The following FRK variants were observed in gnomAD, a reference collection of about 807,000 sequenced individuals.
FRK encodes the protein fyn related Src family tyrosine kinase, also known as tyrosine-protein kinase FRK.
Under a neutral mutation model 56.4 loss-of-function variants are expected in FRK, and 51 were observed. The ratio of observed to expected loss-of-function variants is 0.90; its 90% confidence interval spans 0.72 to 1.14. The LOEUF is 1.14. FRK is among the 50% of genes most tolerant of loss of function. The probability of loss-of-function intolerance (pLI) is 0.00; values close to 1 mark genes in which losing one functional copy is unlikely to be tolerated. For missense variants in FRK, 570 were observed against 601.4 expected (o/e 0.95, Z 0.55); for synonymous variants, 245 against 217.9 (o/e 1.12, Z -1.10).
the FRK span, among the ~76,000 whole-genome samples, chr6:116,092,330 C>T: frequency 6.6e-6 from 1 of 152,228 alleles, no homozygotes; most frequent in Admixed American, 6.5e-5. Context: ...AAAGGCGTCA[C>T]TCTTCCAACC....
chr6:115,942,947 G>A (rs774653455), intron 7 of FRK, 73 bp downstream of exon 7: 286 of 1,465,144 alleles, frequency 2.0e-4, no homozygotes, highest in Non-Finnish European at 2.4e-4. Flanking sequence ...TCTAAGTCTG[G>A]GCAAAGCAGT....
intron 1 of FRK, among the ~76,000 whole-genome samples, chr6:116,033,292 C>A (rs1258827977): frequency 6.6e-6 from 1 of 152,078 alleles, no homozygotes; most frequent in Non-Finnish European, 1.5e-5. Context: ...GCTATGTTTA[C>A]CAATATCCTC....
At chr6:116,029,814 G>A (rs1211715226) in intron 1 of FRK, among the ~76,000 whole-genome samples, 2 of 152,002 alleles carry the variant, frequency 1.3e-5, no homozygotes, top group Non-Finnish European at 2.9e-5. Flanking sequence ...TCCATCTGAA[G>A]GTCCTTTCAT....
chr6:115,950,337 A>C (rs1772681296), intron 5 of FRK, among the ~76,000 whole-genome samples: 1 of 152,176 alleles, frequency 6.6e-6, no homozygotes, highest in African/African-American at 2.4e-5. Flanking sequence ...AATTTACAAG[A>C]AATAAAAACC....
chr6:116,074,011 T>C, the FRK span, among the ~76,000 whole-genome samples: 9 of 152,266 alleles, frequency 5.9e-5, no homozygotes, highest in East Asian at 1.7e-3. Flanking sequence ...GCTTCTAAAT[T>C]ACCCCTGCAT....
In FRK at chr6:116,056,324, C is replaced by T. The variant is rs1777399293; in HGVS notation, c.344+3644G>A. Among the ~76,000 whole-genome samples, 4 of 151,414 alleles carry T rather than the reference C, an allele frequency of 2.6e-5. No homozygotes were observed. The South Asian group carries it at 8.4e-4, about 32-fold the overall frequency. ...CAACCTCCCAGGTTTAAGCAGTCTT[C>T]CTGCCCCAGCCTCACTCTCTCGAGT... On this transcript the variant is annotated intron_variant, in intron 1 of 7. Transcript: ENST00000606080.
intron 2 of FRK, among the ~76,000 whole-genome samples, chr6:116,001,992 A>T (rs567027565): frequency 1.3e-5 from 2 of 152,204 alleles, no homozygotes; most frequent in African/African-American, 4.8e-5. Context: ...GTATGTATGT[A>T]TATGTATATG....
At chr6:116,099,255 T>TTA in the FRK span, among the ~76,000 whole-genome samples, 1 of 152,202 alleles carries the variant, frequency 6.6e-6, no homozygotes, top group Non-Finnish European at 1.5e-5. Context: ...AACAATCCTT[T>TTA]TATACTCTTC....
intron 4 of FRK, among the ~76,000 whole-genome samples, chr6:115,958,060 G>A (rs2114563267): frequency 6.6e-6 from 1 of 152,274 alleles, no homozygotes; most frequent in East Asian, 1.9e-4. Flanking sequence ...AGGAGAAAAT[G>A]GCCGATTCTC....
At chr6:116,039,210 C>T (rs951746700) in intron 1 of FRK, 22 of 1,448,754 alleles carry the variant, frequency 1.5e-5, no homozygotes, top group Non-Finnish European at 1.9e-5. Context: ...TCGCAGATAA[C>T]GTGAAGGACT....
intron 1 of FRK, among the ~76,000 whole-genome samples, chr6:116,017,845 C>T (rs1222970697): frequency 1.3e-5 from 2 of 152,152 alleles, no homozygotes; most frequent in Non-Finnish European, 2.9e-5. Context: ...CATAGCCCAC[C>T]TTGCACCTTT....
chr6:115,980,209 G>A (rs1774143965), intron 2 of FRK, among the ~76,000 whole-genome samples: 1 of 152,068 alleles, frequency 6.6e-6, no homozygotes, highest in African/African-American at 2.4e-5. Flanking sequence ...CCACCCAGAA[G>A]AGGAAAAGCA....
In FRK at chr6:115,937,335, A is replaced by C. The variant is rs1772069366; in HGVS notation, c.*5079T>G. 1 of 152,218 alleles carries C rather than the reference A, an allele frequency of 6.6e-6. No individual in the cohort carries two copies. Among genetic ancestry groups the C allele is most frequent in the Non-Finnish European group, 1.5e-5 (1 of 68,026 alleles). 9.4% of individuals were successfully genotyped at this position (152,218 alleles called of 1,614,324 possible). ...AGAGCTCCTGAAGGAAGCACTAAAC[A>C]TAGAGAGGAACAATCAATACCAGCC... is the stretch of plus-strand genomic sequence containing the variant. On this transcript the variant is annotated 3_prime_UTR_variant, in exon 8 of 8. Transcript: ENST00000606080.
chr6:116,058,534 G>A (rs894595521), intron 1 of FRK, among the ~76,000 whole-genome samples: 3 of 152,038 alleles, frequency 2.0e-5, no homozygotes, highest in Non-Finnish European at 4.4e-5. Context: ...AGTAAGGGAC[G>A]CTCACATAAA....
At chr6:116,036,243 T>C (rs1488630178) in intron 1 of FRK, among the ~76,000 whole-genome samples, 3 of 152,144 alleles carry the variant, frequency 2.0e-5, no homozygotes, top group African/African-American at 4.8e-5. Flanking sequence ...CAGGGATAGT[T>C]CCCTCCACCT....
chr6:116,055,531 G>A (rs1777358121), intron 1 of FRK, among the ~76,000 whole-genome samples: 1 of 152,202 alleles, frequency 6.6e-6, no homozygotes, highest in Non-Finnish European at 1.5e-5. Context: ...ACCATCGTAG[G>A]TCAGTATGGG....
At chr6:116,015,040 C>T (rs185045785) in intron 1 of FRK, among the ~76,000 whole-genome samples, 71 of 152,290 alleles carry the variant, frequency 4.7e-4, no homozygotes, top group African/African-American at 1.7e-3. Context: ...TTTACACGAG[C>T]TGGTGCCAAG....
At chr6:116,086,955 G>C in the FRK span, among the ~76,000 whole-genome samples, 2 of 152,174 alleles carry the variant, frequency 1.3e-5, no homozygotes, top group Admixed American at 6.5e-5. Context: ...ATAACTTCAG[G>C]TTCCTGCAGC....
rs1000884258 is a variant in FRK at position 115,934,265 on chromosome 6, G to A, written c.*8149C>T. ...ACCTCTCAACTTGTCTCTGAGGAAG[G>A]TGACCACATTCCCAGATTCAGAGTC... On this transcript the variant is annotated 3_prime_UTR_variant, in exon 8 of 8. Transcript: ENST00000606080. 1 of 152,162 alleles carries A rather than the reference G, an allele frequency of 6.6e-6. No homozygotes were observed. Among genetic ancestry groups the A allele is most frequent in the Non-Finnish European group, 1.5e-5 (1 of 68,040 alleles). 9.4% of individuals were successfully genotyped at this position (152,162 alleles called of 1,614,324 possible). A position where few individuals can be genotyped will look rare whatever the true frequency, so the allele number is the denominator to read the frequency against.
Sources: gnomAD v4.1 joint callset for allele counts (sites outside exome capture counted in the v4.1 genomes callset) on GRCh38, gnomAD v4.1.1 for gene constraint, MANE v1.5 for transcripts, NCBI Gene and HGNC (gene_info 2026-07-23, HGNC 2026-07-21) for gene names.